The following GSG1L2 variants were observed in gnomAD, a reference collection of about 807,000 sequenced individuals.
The protein encoded by GSG1L2 is GSG1 like 2.
GSG1L2 carries 15 observed loss-of-function variants against 9.0 expected under a neutral mutation model. The observed-to-expected ratio is 1.67, with a 90% CI of 1.12 to 2.57. The LOEUF (loss-of-function observed/expected upper bound fraction) is 2.57. Ranked by LOEUF, GSG1L2 falls within the 30% of genes most tolerant of loss-of-function variation. The pLI is 0.00. For missense variants in GSG1L2, 286 were observed against 150.3 expected (o/e 1.90, Z -4.72); for synonymous variants, 127 against 57.9 (o/e 2.19, Z -5.41).
rs570142124 is a variant in GSG1L2 at position 9,809,146 on chromosome 17, G to A, written c.359-164C>T. The A allele has an allele frequency of 4.9e-6, 3 of 608,320 alleles. No individual in the cohort carries two copies. In the African/African-American group the frequency reaches 5.5e-5, roughly 11 times the overall value. The allele number at this position is 608,320 out of a possible 1,614,324, so 37.7% of individuals were successfully genotyped here. On this transcript the variant is annotated intron_variant, in intron 2 of 4. Transcript: ENST00000399363. ...CTGAATCTTAGCTGGCAATGGAAAG[G>A]CACTCCTCAGGGCTGAAAGAGACGG...
chr17:9,816,459 T>C (rs1197664362), intron 1 of GSG1L2, among the ~76,000 whole-genome samples: 2 of 134,474 alleles, frequency 1.5e-5, no homozygotes, highest in Admixed American at 7.8e-5. Context: ...TGTCTGTGTG[T>C]GCGTCCGTGT....
At chr17:9,817,115 G>C (rs1270102803) in intron 1 of GSG1L2, among the ~76,000 whole-genome samples, 1 of 151,812 alleles carries the variant, frequency 6.6e-6, no homozygotes, top group African/African-American at 2.4e-5. Flanking sequence ...CACGCGAACT[G>C]AGTGACAATT....
At position 9,820,495 on chromosome 17, in the gene GSG1L2, G is replaced by A. The variant is rs1188751367; in HGVS notation, c.310+1267C>T. On this transcript the variant is annotated intron_variant, in intron 1 of 4. Coordinates refer to ENST00000399363, the MANE Select transcript of GSG1L2 (RefSeq NM_001310219.2). The surrounding 1 kb of genome is among the most constrained non-coding windows in gnomAD (Gnocchi z 4.9). ...CGAGGAACTGTGGAGGTCCTAAATAGCCTTAGCTCCAGGCACTATTGCAGT... is the reference window on the plus strand; with the variant it reads ...CGAGGAACTGTGGAGGTCCTAAATAACCTTAGCTCCAGGCACTATTGCAGT... 1.3e-5 allele frequency among the ~76,000 whole-genome samples: 2 copies of A among 151,856 alleles called. No homozygotes were observed. Among genetic ancestry groups the A allele is most frequent in the Non-Finnish European group, 2.9e-5 (2 of 68,004 alleles).
intron 1 of GSG1L2, among the ~76,000 whole-genome samples, chr17:9,816,731 GTGCA>G: frequency 2.1e-5 from 3 of 141,280 alleles, no homozygotes; most frequent in African/African-American, 7.8e-5. Flanking sequence ...GTGTCTGTGT[GTGCA>G]TGTGTGTATC....
intron 1 of GSG1L2, among the ~76,000 whole-genome samples, chr17:9,817,568 GCACC>G (rs1208718573): frequency 1.3e-5 from 2 of 151,874 alleles, no homozygotes; most frequent in Non-Finnish European, 2.9e-5. Context: ...GGAATTACAG[GCACC>G]CACCACCACA....
rs753161434 is a variant in GSG1L2, at chr17:9,802,535, T to A, written c.733A>T (p.Ser245Cys). The change falls in exon 5 of 5, where the codon AGT (serine) becomes TGT (cysteine). Residue 245 changes from serine to cysteine, a missense_variant. Ser to Cys is a moderately radical substitution (Grantham distance 112). Transcript: ENST00000399363. ...AGGAAGCTGTGTTGAGAGTGCCGAC[T>A]GCCGTTCTGTGCCTGCTGCTTCTCG... ...FTEKQQAQNGSRHSQHSFLEP... is the reference protein window; with the variant it reads ...FTEKQQAQNGCRHSQHSFLEP... 1 of 702,408 alleles carries A rather than the reference T, an allele frequency of 1.4e-6. No homozygotes were observed. Among genetic ancestry groups the A allele is most frequent in the East Asian group, 2.7e-5 (1 of 37,276 alleles). 43.5% of individuals were successfully genotyped at this position (702,408 alleles called of 1,614,324 possible).
rs1036841631 is a variant in GSG1L2 at position 9,820,619 on chromosome 17, G to A, written c.310+1143C>T. Among the ~76,000 whole-genome samples, 1 of 151,762 alleles carries A rather than the reference G, an allele frequency of 6.6e-6. No individual in the cohort carries two copies. The highest frequency in any genetic ancestry group is 2.4e-5 in the African/African-American group (1 of 41,282). On this transcript the variant is annotated intron_variant, in intron 1 of 4. Transcript: ENST00000399363. This position sits in a 1 kb window ranked among gnomAD's most constrained non-coding sequence, Gnocchi z 4.9. ...TGCCCCACATTGGCCACCACTGGGA[G>A]AGAGGGTGGAAGGGAGGGACATACA...
intron 4 of GSG1L2, 58 bp from the exon 5 acceptor site, chr17:9,802,702 G>T: frequency 2.9e-6 from 2 of 678,100 alleles, no homozygotes; most frequent in Non-Finnish European, 5.4e-6. Context: ...AGGACTTCCT[G>T]TTTTCTCCAG....
At chr17:9,810,694 C>G (rs1316916743) in intron 1 of GSG1L2, 76 bp from the exon 2 acceptor site, 2 of 699,546 alleles carry the variant, frequency 2.9e-6, no homozygotes, top group South Asian at 3.0e-5. Context: ...TTTCTAGCCC[C>G]TTAACTGGAT....
At chr17:9,814,355 C>G (rs564270989) in intron 1 of GSG1L2, among the ~76,000 whole-genome samples, 17 of 152,334 alleles carry the variant, frequency 1.1e-4, no homozygotes, top group Middle Eastern at 3.4e-3. Flanking sequence ...ACCAGAGTTT[C>G]TCACCTAAGA....
At chr17:9,811,858 G>A (rs1217436550) in intron 1 of GSG1L2, among the ~76,000 whole-genome samples, 4 of 152,152 alleles carry the variant, frequency 2.6e-5, no homozygotes, top group African/African-American at 7.2e-5. Flanking sequence ...AGGTGCCGGG[G>A]GTGCAAAGAT....
At position 9,801,113 on chromosome 17, in the gene GSG1L2, G is replaced by A. The variant is rs2066495036; in HGVS notation, c.*1273C>T. On this transcript the variant is annotated 3_prime_UTR_variant, in exon 5 of 5. Coordinates refer to ENST00000399363, the MANE Select transcript of GSG1L2 (RefSeq NM_001310219.2). ...TTTATTGGATTTTTTTCCCAGAAAT[G>A]ATATGTTTACAAAACACGTGAATAT... is the stretch of plus-strand genomic sequence containing the variant. 1.3e-5 allele frequency among the ~76,000 whole-genome samples: 2 copies of A among 152,028 alleles called. No individual in the cohort carries two copies. Among genetic ancestry groups the A allele is most frequent in the African/African-American group, 4.8e-5 (2 of 41,386 alleles).
intron 1 of GSG1L2, among the ~76,000 whole-genome samples, chr17:9,821,436 G>A (rs1205088739): frequency 6.6e-6 from 1 of 152,268 alleles, no homozygotes; most frequent in East Asian, 1.9e-4. Context: ...ATAAACACTT[G>A]CAATGTGTCA....
intron 1 of GSG1L2, among the ~76,000 whole-genome samples, chr17:9,811,887 G>A (rs1046309654): frequency 1.3e-5 from 2 of 152,142 alleles, no homozygotes; most frequent in Admixed American, 6.5e-5. Flanking sequence ...CAAGGGAGCC[G>A]CCCCCAGTCT....
At chr17:9,808,716 T>C (rs2152022769) in intron 3 of GSG1L2, 114 bp downstream of exon 3, 1 of 615,426 alleles carries the variant, frequency 1.6e-6, no homozygotes, top group Non-Finnish European at 2.9e-6. Context: ...CCGCCCTGCT[T>C]AAATGGCCAT....
At chr17:9,810,406 GGC>G in intron 2 of GSG1L2, 163 bp downstream of exon 2, 1 of 608,558 alleles carries the variant, frequency 1.6e-6, no homozygotes, top group African/African-American at 1.8e-5. Context: ...GCACACCACT[GGC>G]TATAGGGCAC....
In GSG1L2 at chr17:9,802,012, C is replaced by T. The variant is rs1439446874; in HGVS notation, c.*374G>A. On this transcript the variant is annotated 3_prime_UTR_variant, in exon 5 of 5. Coordinates refer to ENST00000399363, the MANE Select transcript of GSG1L2 (RefSeq NM_001310219.2). ...TGTCAACAAACCTATGCGGACAACACATTTTGCCTCCCTTGTAGTTAAAAA... is the reference window on the plus strand; with the variant it reads ...TGTCAACAAACCTATGCGGACAACATATTTTGCCTCCCTTGTAGTTAAAAA... Among the ~76,000 whole-genome samples the T allele has an allele frequency of 6.6e-6, 1 of 152,240 alleles. No individual in the cohort carries two copies. The highest frequency in any genetic ancestry group is 2.4e-5 in the African/African-American group (1 of 41,476).
At chr17:9,821,462 T>A (rs1272806063) in intron 1 of GSG1L2, among the ~76,000 whole-genome samples, 3 of 152,184 alleles carry the variant, frequency 2.0e-5, no homozygotes, top group African/African-American at 7.2e-5. Context: ...TGTTGCAAGC[T>A]CTGTATGTGA....
intron 1 of GSG1L2, among the ~76,000 whole-genome samples, chr17:9,817,650 C>T (rs2066573120): frequency 6.6e-6 from 1 of 152,028 alleles, no homozygotes. Flanking sequence ...GTCTTGAACT[C>T]CCGACCTCAA....
Sources: gnomAD v4.1 joint callset for allele counts (sites outside exome capture counted in the v4.1 genomes callset) on GRCh38, gnomAD v4.1.1 for gene constraint, Gnocchi (gnomAD v3.1) non-coding constraint, MANE v1.5 for transcripts, NCBI Gene and HGNC (gene_info 2026-07-23, HGNC 2026-07-21) for gene names.